The following ZFAND4 variants were observed in gnomAD, a reference collection of about 807,000 sequenced individuals.
The protein encoded by ZFAND4 is AN1-type zinc finger protein 4.
ZFAND4 carries 43 observed loss-of-function variants against 64.4 expected under a neutral mutation model. That is an observed-to-expected ratio of 0.67 (90% CI 0.52 to 0.86). ZFAND4 has a LOEUF of 0.86. Ranked by LOEUF, ZFAND4 falls within the 40% of genes least tolerant of loss-of-function variation. The pLI is 0.00. For missense variants in ZFAND4, 929 were observed against 859.8 expected (o/e 1.08, Z -1.01); for synonymous variants, 296 against 305.7 (o/e 0.97, Z 0.33).
chr10:45,634,940 A>G (rs974576542), intron 6 of ZFAND4, among the ~76,000 whole-genome samples: 5 of 152,184 alleles, frequency 3.3e-5, no homozygotes, highest in African/African-American at 1.2e-4. Flanking sequence ...CTAGGAATAA[A>G]CTTATCTAAA....
At chr10:45,649,630 G>A (rs1188878024) in intron 4 of ZFAND4, 1 of 152,152 alleles carries the variant, frequency 6.6e-6, no homozygotes, top group Non-Finnish European at 1.5e-5. Flanking sequence ...TTATAATATG[G>A]TTTAGCTTGC....
intron 1 of ZFAND4, among the ~76,000 whole-genome samples, chr10:45,667,458 C>CCTTTTTTT (rs1564639790): frequency 2.2e-5 from 2 of 90,660 alleles, no homozygotes; most frequent in Non-Finnish European, 4.2e-5. Context: ...TCTTTTCTTT[C>CCTTTTTTT]TTTTTTTTTT....
intron 3 of ZFAND4, among the ~76,000 whole-genome samples, chr10:45,652,770 G>A (rs546045435): frequency 2.0e-5 from 3 of 152,240 alleles, no homozygotes; most frequent in Non-Finnish European, 1.5e-5. Flanking sequence ...CATGAAAAAT[G>A]AAAAGGGAAA....
intron 9 of ZFAND4, 22 bp from the exon 10 acceptor site, chr10:45,616,593 C>A: frequency 6.2e-7 from 1 of 1,613,184 alleles, no homozygotes; most frequent in African/African-American, 1.3e-5. Flanking sequence ...AAAAAGTTTA[C>A]GTGAATAGTT....
intron 3 of ZFAND4, among the ~76,000 whole-genome samples, chr10:45,652,776 G>C (rs1199476511): frequency 1.3e-5 from 2 of 152,032 alleles, no homozygotes; most frequent in Non-Finnish European, 2.9e-5. Flanking sequence ...AAATGAAAAG[G>C]GAAAATAAAT....
chr10:45,622,827 C>T (rs371195433), intron 8 of ZFAND4, among the ~76,000 whole-genome samples: 15 of 152,110 alleles, frequency 9.9e-5, no homozygotes, highest in South Asian at 4.1e-4. Flanking sequence ...ATACTGTTAA[C>T]GACTGTCTGT....
chr10:45,663,610 C>G lies in ZFAND4; in HGVS notation c.116G>C (p.Cys39Ser). The G allele has an allele frequency of 6.2e-7, 1 of 1,610,804 alleles. No individual in the cohort carries two copies. Among genetic ancestry groups the G allele is most frequent in the South Asian group, 1.1e-5 (1 of 90,068 alleles). The change falls in exon 2 of 10, where the codon TGT (cysteine) becomes TCT (serine). Residue 39 changes from cysteine (C) to serine (S), a missense_variant. Physicochemically the swap from Cys to Ser is moderately radical, Grantham distance 112. Coordinates refer to ENST00000344646, the MANE Select transcript of ZFAND4 (RefSeq NM_174890.4). ...ELFIETLTGT[C>S]FELRVSPFET... ...AAAAGGTGAAACTCTCAGCTCAAAA[C>G]ATGTTCCAGTTAATGTTTCAATGAA...
intron 5 of ZFAND4, chr10:45,640,278 G>C: frequency 1.6e-6 from 2 of 1,233,464 alleles, no homozygotes; most frequent in Non-Finnish European, 2.1e-6. Flanking sequence ...ATTTCCATGA[G>C]AATGTCTGAT....
intron 4 of ZFAND4, among the ~76,000 whole-genome samples, chr10:45,649,488 G>C (rs1394023584): frequency 6.6e-6 from 1 of 152,140 alleles, no homozygotes; most frequent in Non-Finnish European, 1.5e-5. Context: ...TAACAGAATC[G>C]TGGTGCTCTA....
chr10:45,631,041 G>A (rs548655379), intron 6 of ZFAND4, among the ~76,000 whole-genome samples: 159 of 151,838 alleles, frequency 1.0e-3, no homozygotes, highest in African/African-American at 3.5e-3. Context: ...TCCAAAGGCC[G>A]GGCGCGGTGG....
chr10:45,652,863 T>C, intron 3 of ZFAND4, 121 bp downstream of exon 3: 1 of 691,062 alleles, frequency 1.4e-6, no homozygotes, highest in Non-Finnish European at 2.4e-6. Context: ...TAATGAAATC[T>C]AGGAATGTGA....
rs565586212 is a variant in ZFAND4, at chr10:45,663,785, G to A, written c.-60C>T. 5.6e-6 allele frequency: 8 copies of A among 1,424,540 alleles called. No individual in the cohort carries two copies. The highest frequency in any genetic ancestry group is 2.7e-5 in the Admixed American group (1 of 36,812). The allele number at this position is 1,424,540 out of a possible 1,614,324, so 88.2% of individuals were successfully genotyped here. A position where few individuals can be genotyped will look rare whatever the true frequency, so the allele number is the denominator to read the frequency against. ...GCAGGCAACTGTATTCCAGTTCTAGGCAAACCAGGTTTGAAGATTGGTAAT... is the reference window on the plus strand; with the variant it reads ...GCAGGCAACTGTATTCCAGTTCTAGACAAACCAGGTTTGAAGATTGGTAAT... On this transcript the variant is annotated 5_prime_UTR_variant, in exon 2 of 10. Coordinates refer to ENST00000344646, the MANE Select transcript of ZFAND4 (RefSeq NM_174890.4).
At chr10:45,642,102 G>A (rs1023887460) in intron 5 of ZFAND4, among the ~76,000 whole-genome samples, 1 of 152,184 alleles carries the variant, frequency 6.6e-6, no homozygotes, top group South Asian at 2.1e-4. Context: ...ACCCTGTGGA[G>A]TTAGAAGGAA....
chr10:45,645,111 A>G (rs2047288659), intron 5 of ZFAND4, among the ~76,000 whole-genome samples: 1 of 151,662 alleles, frequency 6.6e-6, no homozygotes, highest in African/African-American at 2.4e-5. Context: ...CCTCCGAAGT[A>G]GCTGGGACTA....
chr10:45,655,117 A>C (rs546539428), intron 2 of ZFAND4, among the ~76,000 whole-genome samples: 279 of 152,328 alleles, frequency 1.8e-3, no homozygotes, highest in African/African-American at 6.2e-3. Flanking sequence ...AAAAAGTCTC[A>C]AAAATTTTTA....
intron 8 of ZFAND4, among the ~76,000 whole-genome samples, chr10:45,619,046 T>A (rs1471956892): frequency 7.8e-6 from 1 of 127,720 alleles, no homozygotes; most frequent in Non-Finnish European, 1.7e-5. Context: ...ATTAAATCAA[T>A]TTTTTTTTTT....
rs191378341 is a variant in ZFAND4 at position 45,629,770 on chromosome 10, G to A, written c.718-2665C>T. Among the ~76,000 whole-genome samples, 229 of 152,218 alleles carry A rather than the reference G, an allele frequency of 1.5e-3. 1 individual carries two copies. The highest frequency in any genetic ancestry group is 4.1e-3 in the African/African-American group (171 of 41,530). On this transcript the variant is annotated intron_variant, in intron 6 of 9. Coordinates refer to ENST00000344646, the MANE Select transcript of ZFAND4 (RefSeq NM_174890.4). The stretch of plus-strand genomic sequence containing the variant: ...CCCAGCTACTTGGGAGGCTGAGGTG[G>A]GAGGATCGCTTGAGCTCAGGAGGCA...
At chr10:45,655,031 C>T (rs1199387478) in intron 2 of ZFAND4, among the ~76,000 whole-genome samples, 6 of 152,034 alleles carry the variant, frequency 3.9e-5, no homozygotes, top group Non-Finnish European at 7.4e-5. Flanking sequence ...AACATTCAAC[C>T]GAAGAACTGA....
At position 45,652,039 on chromosome 10, in the gene ZFAND4, G is replaced by T. The variant is rs768917132; in HGVS notation, c.261-6C>A. 1.4e-5 allele frequency: 23 copies of T among 1,613,210 alleles called. 1 individual carries two copies. In the South Asian group the frequency reaches 2.5e-4, roughly 18 times the overall value. On this transcript the variant is annotated splice_region_variant and splice_polypyrimidine_tract_variant and intron_variant, in intron 3 of 9. Transcript: ENST00000344646. ...AGGTACACCCTTCTGAAATGCTGTGGATAGTTAACACAAAAATAAATCATA... is the reference window on the plus strand; with the variant it reads ...AGGTACACCCTTCTGAAATGCTGTGTATAGTTAACACAAAAATAAATCATA...
Sources: allele counts gnomAD v4.1 joint callset (sites outside exome capture counted in the v4.1 genomes callset), GRCh38; gene constraint gnomAD v4.1.1; transcripts MANE v1.5; gene names NCBI Gene and HGNC (gene_info 2026-07-23, HGNC 2026-07-21).